Variants in BCKDHB observed in about 807,000 individuals in gnomAD.
The protein encoded by BCKDHB is branched chain keto acid dehydrogenase E1 subunit beta, also known as 2-oxoisovalerate dehydrogenase subunit beta, mitochondrial.
BCKDHB carries 41 observed loss-of-function variants against 48.5 expected under a neutral mutation model. The ratio of observed to expected loss-of-function variants is 0.85; its 90% CI spans 0.66 to 1.10. BCKDHB has a LOEUF of 1.10. Ranked by LOEUF, BCKDHB falls within the 50% of genes least tolerant of loss-of-function variation. The pLI, the probability that BCKDHB is intolerant of heterozygous loss-of-function variation, is 0.00. For missense variants in BCKDHB, 496 were observed against 494.2 expected, an observed-to-expected ratio of 1.00 and a Z score of -0.03; for synonymous variants, 201 against 174.8, an observed-to-expected ratio of 1.15 and a Z score of -1.18.
chr6:80,168,950 C>G lies in BCKDHB; in HGVS notation c.553C>G (p.Pro185Ala), dbSNP rs755294928. Residue 185 changes from proline to alanine, a missense_variant, in exon 5 of 10, where the codon CCT (proline) becomes GCT (alanine). By Grantham distance (27) the Pro-to-Ala change is conservative (BLOSUM62 -1). Coordinates refer to ENST00000320393, the MANE Select transcript of BCKDHB (RefSeq NM_183050.4). Reference protein sequence around the residue: ...FNCGSLTIRSPWGCVGHGALY... With the variant: ...FNCGSLTIRSAWGCVGHGALY... ...CTGTGGAAGCCTCACTATCCGGTCC[C>G]CTTGGGGCTGTGTTGGTCATGGGGC... 1.1e-5 allele frequency: 17 copies of G among 1,614,160 alleles called. No homozygotes were observed. The South Asian group carries it at 1.9e-4, about 18-fold the overall frequency.
chr6:80,216,001 A>G (rs1775155252), intron 8 of BCKDHB, among the ~76,000 whole-genome samples: 1 of 152,174 alleles, frequency 6.6e-6, no homozygotes. Flanking sequence ...CGGCCTCCCA[A>G]AGTGCTGGGA....
intron 8 of BCKDHB, among the ~76,000 whole-genome samples, chr6:80,217,581 A>T (rs914420946): frequency 6.6e-6 from 1 of 152,196 alleles, no homozygotes. Flanking sequence ...ACTAAAACAC[A>T]CAGTACAATG....
At chr6:80,302,268 A>C (rs1197629623) in intron 9 of BCKDHB, among the ~76,000 whole-genome samples, 1 of 152,206 alleles carries the variant, frequency 6.6e-6, no homozygotes. Context: ...CTCTGCCAAA[A>C]GGCTACTAGA....
chr6:80,370,252 G>A, the BCKDHB span, among the ~76,000 whole-genome samples: 1 of 152,162 alleles, frequency 6.6e-6, no homozygotes, highest in Admixed American at 6.5e-5. Flanking sequence ...TCTATGTGGA[G>A]GAGAAAATGA....
chr6:80,355,566 AT>A, the BCKDHB span: 6 of 152,234 alleles, frequency 3.9e-5, no homozygotes, highest in Non-Finnish European at 8.8e-5. Context: ...TAGCATAAAA[AT>A]TATAAAGTTC....
At chr6:80,107,700 A>G (rs1187143485) in intron 1 of BCKDHB, among the ~76,000 whole-genome samples, 1 of 151,834 alleles carries the variant, frequency 6.6e-6, no homozygotes, top group Non-Finnish European at 1.5e-5. Context: ...ACTTGAGCTT[A>G]GTACTGAGCT....
chr6:80,399,615 A>G, the BCKDHB span, among the ~76,000 whole-genome samples: 1 of 152,142 alleles, frequency 6.6e-6, no homozygotes, highest in Non-Finnish European at 1.5e-5. Context: ...CAAAGTATAA[A>G]ACATTCCATG....
the BCKDHB span, among the ~76,000 whole-genome samples, chr6:80,417,885 TA>T: frequency 6.6e-6 from 1 of 152,188 alleles, no homozygotes; most frequent in Non-Finnish European, 1.5e-5. Context: ...CCACTCTAGC[TA>T]GGTTGGGAAA....
intron 9 of BCKDHB, among the ~76,000 whole-genome samples, chr6:80,301,463 C>CA (rs1767575613): frequency 6.6e-6 from 1 of 152,006 alleles, no homozygotes; most frequent in Non-Finnish European, 1.5e-5. Flanking sequence ...ATACAACCTC[C>CA]AAAGATTGAA....
chr6:80,107,578 T>TATGCACAC (rs1769193128), intron 1 of BCKDHB, among the ~76,000 whole-genome samples: 1 of 146,650 alleles, frequency 6.8e-6, no homozygotes, highest in African/African-American at 2.6e-5. Flanking sequence ...TGCATATATG[T>TATGCACAC]ATATATGTCC....
intron 8 of BCKDHB, among the ~76,000 whole-genome samples, chr6:80,233,320 A>G (rs188901557): frequency 1.2e-4 from 19 of 152,306 alleles, no homozygotes; most frequent in African/African-American, 4.6e-4. Flanking sequence ...AGTTGTCTCT[A>G]GGGCAGTAGC....
chr6:80,353,247 T>G, the BCKDHB span, among the ~76,000 whole-genome samples: 3 of 152,250 alleles, frequency 2.0e-5, no homozygotes, highest in Non-Finnish European at 4.4e-5. Context: ...TTTACTCTTT[T>G]TAATCACTAA....
intron 1 of BCKDHB, among the ~76,000 whole-genome samples, chr6:80,115,589 C>G (rs1216786842): frequency 6.6e-6 from 1 of 151,530 alleles, no homozygotes; most frequent in African/African-American, 2.4e-5. Context: ...CTTCACCAGG[C>G]ATATACTGAT....
At chr6:80,417,363 A>G in the BCKDHB span, among the ~76,000 whole-genome samples, 1 of 152,048 alleles carries the variant, frequency 6.6e-6, no homozygotes, top group Non-Finnish European at 1.5e-5. Context: ...TTAGTATGAT[A>G]TGTGTGGATT....
At chr6:80,179,779 T>G (rs1360872122) in intron 6 of BCKDHB, among the ~76,000 whole-genome samples, 2 of 152,230 alleles carry the variant, frequency 1.3e-5, no homozygotes, top group African/African-American at 4.8e-5. Flanking sequence ...CAGTCTGGTC[T>G]GGTTACAGGT....
chr6:80,198,209 T>G (rs1774221940), intron 6 of BCKDHB, among the ~76,000 whole-genome samples: 1 of 152,212 alleles, frequency 6.6e-6, no homozygotes, highest in Admixed American at 6.5e-5. Context: ...ATGGCATGGT[T>G]GTGAGCCAAC....
intron 8 of BCKDHB, among the ~76,000 whole-genome samples, chr6:80,262,126 G>A (rs1307148143): frequency 6.6e-6 from 1 of 152,144 alleles, no homozygotes; most frequent in Non-Finnish European, 1.5e-5. Context: ...CTGCCACTGA[G>A]CTAGGGTCAC....
intron 9 of BCKDHB, among the ~76,000 whole-genome samples, chr6:80,305,102 A>G (rs1009026773): frequency 6.6e-6 from 1 of 152,146 alleles, no homozygotes; most frequent in Non-Finnish European, 1.5e-5. Flanking sequence ...TACATAGAAA[A>G]TCTAATTTAG....
chr6:80,327,373 T>C (rs1442865995), intron 9 of BCKDHB, among the ~76,000 whole-genome samples: 4 of 152,254 alleles, frequency 2.6e-5, no homozygotes, highest in Admixed American at 6.5e-5. Context: ...CGGTTTCTAC[T>C]GAATACATTT....
Sources: gnomAD v4.1 joint callset for allele counts (sites outside exome capture counted in the v4.1 genomes callset) on GRCh38, gnomAD v4.1.1 for gene constraint, MANE v1.5 for transcripts, NCBI Gene and HGNC (gene_info 2026-07-23, HGNC 2026-07-21) for gene names.